The following IL1RAPL2 variants were observed in gnomAD, a reference collection of about 807,000 sequenced individuals.
IL1RAPL2 encodes the protein interleukin 1 receptor accessory protein like 2, also known as X-linked interleukin-1 receptor accessory protein-like 2.
Under a neutral mutation model 44.1 loss-of-function variants are expected in IL1RAPL2, and 3 were observed. That is an observed-to-expected ratio of 0.07 (90% CI 0.03 to 0.18). The LOEUF is 0.18. Among genes scored for constraint, IL1RAPL2 ranks in the 10% least tolerant of loss-of-function variants. The pLI is 1.00. For synonymous variants in IL1RAPL2, 181 were observed against 178.8 expected (o/e 1.01, Z -0.10); for missense variants, 391 against 496.4 (o/e 0.79, Z 2.02).
intron 2 of IL1RAPL2, among the ~76,000 whole-genome samples, chrX:104,985,556 T>C (rs1449285614): frequency 2.7e-5 from 3 of 111,967 alleles, no homozygotes; most frequent in Non-Finnish European, 5.6e-5. Context: ...AGGTTATACA[T>C]GCTGGGGATG....
At chrX:105,208,243 A>G (rs1556154361) in intron 3 of IL1RAPL2, among the ~76,000 whole-genome samples, 1 of 112,194 alleles carries the variant, frequency 8.9e-6, no homozygotes. Context: ...TTCTTAGAAA[A>G]GAAGCTAAAA....
chrX:104,827,855 C>T (rs1439504676), intron 2 of IL1RAPL2, among the ~76,000 whole-genome samples: 1 of 111,664 alleles, frequency 9.0e-6, no homozygotes, highest in Non-Finnish European at 1.9e-5. Context: ...ATCTTGTCTT[C>T]AAACTTTATT....
At chrX:105,742,490 C>T (rs778474451) in intron 8 of IL1RAPL2, among the ~76,000 whole-genome samples, 2 of 111,434 alleles carry the variant, frequency 1.8e-5, no homozygotes, top group African/African-American at 3.3e-5. Context: ...TAAAGCAACA[C>T]AAGGCAGCCC....
chrX:104,946,138 C>T (rs868780657), intron 2 of IL1RAPL2, among the ~76,000 whole-genome samples: 5 of 104,746 alleles, frequency 4.8e-5, no homozygotes, highest in African/African-American at 1.7e-4. Flanking sequence ...TTTGGGAGGC[C>T]GAGGCGGGTG....
At chrX:105,395,240 G>A (rs955511174) in intron 5 of IL1RAPL2, among the ~76,000 whole-genome samples, 1 of 110,229 alleles carries the variant, frequency 9.1e-6, no homozygotes, top group South Asian at 3.9e-4. Flanking sequence ...ATATATATAG[G>A]CTTTATTCAA....
At chrX:104,632,920 G>A (rs182201782) in intron 1 of IL1RAPL2, among the ~76,000 whole-genome samples, 8 of 111,406 alleles carry the variant, frequency 7.2e-5, no homozygotes, top group South Asian at 7.6e-4. Context: ...TCTTGTGCCC[G>A]TTTTCAAAGG....
intron 2 of IL1RAPL2, among the ~76,000 whole-genome samples, chrX:104,991,829 C>T (rs1291106771): frequency 1.8e-5 from 2 of 111,523 alleles, no homozygotes; most frequent in Non-Finnish European, 3.8e-5. Context: ...TAAAATTATT[C>T]AGTAAGAGCT....
At chrX:105,605,606 T>A (rs1027427236) in intron 6 of IL1RAPL2, among the ~76,000 whole-genome samples, 4 of 111,784 alleles carry the variant, frequency 3.6e-5, no homozygotes, top group African/African-American at 1.3e-4. Context: ...AATTGTAACA[T>A]TTGTTTGGAA....
intron 6 of IL1RAPL2, among the ~76,000 whole-genome samples, chrX:105,485,713 T>C (rs1463635976): frequency 2.7e-5 from 3 of 111,898 alleles, no homozygotes; most frequent in Non-Finnish European, 5.6e-5. Flanking sequence ...GTGAAATTCG[T>C]CTTTCTGTGC....
chrX:105,072,656 ATACTT>A (rs770949358), intron 2 of IL1RAPL2, among the ~76,000 whole-genome samples: 35 of 110,722 alleles, frequency 3.2e-4, no homozygotes, highest in Admixed American at 5.8e-4. Context: ...AATTATTACT[ATACTT>A]TAAGTTCTGT....
chrX:104,753,136 CTT>C (rs34311371), intron 2 of IL1RAPL2, among the ~76,000 whole-genome samples: 57 of 97,693 alleles, frequency 5.8e-4, no homozygotes, highest in Admixed American at 9.0e-4. Context: ...CCCACAATAT[CTT>C]TTTTTTTTTT....
intron 2 of IL1RAPL2, among the ~76,000 whole-genome samples, chrX:104,951,073 C>A (rs1382990198): frequency 8.9e-6 from 1 of 111,972 alleles, no homozygotes; most frequent in Non-Finnish European, 1.9e-5. Context: ...CCTGCGCCCA[C>A]TGTCTGGCAC....
At chrX:104,887,033 C>G (rs1676371120) in intron 2 of IL1RAPL2, among the ~76,000 whole-genome samples, 1 of 112,647 alleles carries the variant, frequency 8.9e-6, no homozygotes, top group African/African-American at 3.2e-5. Flanking sequence ...TAGGCCTAAT[C>G]TTAGCCAGAG....
At chrX:105,042,207 A>G (rs1302221360) in intron 2 of IL1RAPL2, among the ~76,000 whole-genome samples, 1 of 109,809 alleles carries the variant, frequency 9.1e-6, no homozygotes, top group Non-Finnish European at 1.9e-5. Context: ...CAATGGCAAC[A>G]AAAGCCAAAA....
intron 6 of IL1RAPL2, among the ~76,000 whole-genome samples, chrX:105,564,448 G>A (rs1030631874): frequency 7.2e-5 from 8 of 111,818 alleles, no homozygotes; most frequent in African/African-American, 9.7e-5. Flanking sequence ...CATAAACTTC[G>A]TAAAGACATG....
At chrX:105,228,721 G>A (rs1439794375) in intron 3 of IL1RAPL2, among the ~76,000 whole-genome samples, 2 of 111,994 alleles carry the variant, frequency 1.8e-5, no homozygotes, top group Non-Finnish European at 3.8e-5. Context: ...AAGTTGGTAC[G>A]GATAACCACA....
chrX:104,950,321 C>A (rs890636196), intron 2 of IL1RAPL2, among the ~76,000 whole-genome samples: 1 of 112,381 alleles, frequency 8.9e-6, no homozygotes, highest in Middle Eastern at 4.6e-3. Context: ...GCAGTCTGCC[C>A]GTTCTCAGAT....
intron 2 of IL1RAPL2, among the ~76,000 whole-genome samples, chrX:105,034,306 T>A (rs1278163898): frequency 8.9e-6 from 1 of 112,116 alleles, no homozygotes; most frequent in African/African-American, 3.2e-5. Flanking sequence ...TGCTCTGCTT[T>A]CTAGAGTTTC....
chrX:104,994,821 C>T (rs756824793), intron 2 of IL1RAPL2, among the ~76,000 whole-genome samples: 16 of 110,999 alleles, frequency 1.4e-4, no homozygotes, highest in African/African-American at 4.6e-4. Flanking sequence ...TGTGGGAAGA[C>T]GCAGAGTTTT....
Sources: allele counts gnomAD v4.1 joint callset (sites outside exome capture counted in the v4.1 genomes callset), GRCh38; gene constraint gnomAD v4.1.1; transcripts MANE v1.5; gene names NCBI Gene and HGNC (gene_info 2026-07-23, HGNC 2026-07-21).